The following ADAM7 variants were observed in gnomAD, a reference collection of about 807,000 sequenced individuals.
ADAM7 encodes ADAM metallopeptidase domain 7, also known as disintegrin and metalloproteinase domain-containing protein 7.
In ADAM7, 97 loss-of-function variants were observed where a neutral mutation model predicts 102.9. The observed-to-expected ratio is 0.94, with a 90% CI of 0.80 to 1.12. The LOEUF is 1.12. ADAM7 is among the 50% of genes most tolerant of loss of function. The probability of loss-of-function intolerance (pLI) is 0.00; values close to 1 mark genes in which losing one functional copy is unlikely to be tolerated. For missense variants in ADAM7, 991 were observed against 908.7 expected (o/e 1.09, Z -1.16); for synonymous variants, 334 against 304.4 (o/e 1.10, Z -1.01).
In ADAM7 at chr8:24,508,897, C is replaced by T; in HGVS notation, c.*351C>T. On this transcript the variant is annotated 3_prime_UTR_variant, in exon 22 of 22. Transcript: ENST00000175238. ...AACTTTAAGGATGATAACTTACAGT[C>T]TAAGAAGAAAACATTGCATATAAAA... 2 of 1,115,084 alleles carry T rather than the reference C, an allele frequency of 1.8e-6. No individual in the cohort carries two copies. The highest frequency in any genetic ancestry group is 2.2e-6 in the Non-Finnish European group (2 of 914,554). 69.1% of individuals were successfully genotyped at this position (1,115,084 alleles called of 1,614,324 possible).
rs561318281 is a variant in ADAM7 at position 24,492,994 on chromosome 8, A to T, written c.1656-49A>T. On this transcript the variant is annotated intron_variant, in intron 15 of 21. Coordinates refer to ENST00000175238, the MANE Select transcript of ADAM7 (RefSeq NM_003817.4). Reference sequence around the variant, plus strand: ...GAGGCTCCATTGCCAGCCTAGTCTCAAAAGTTGTATTTCTAGTTCCAAGTT... The same window carrying T: ...GAGGCTCCATTGCCAGCCTAGTCTCTAAAGTTGTATTTCTAGTTCCAAGTT... 98 of 1,513,106 alleles carry T rather than the reference A, an allele frequency of 6.5e-5. 1 individual carries two copies. In the East Asian group the frequency reaches 1.7e-3, roughly 26 times the overall value. The allele number at this position is 1,513,106 out of a possible 1,614,324, so 93.7% of individuals were successfully genotyped here. A position where few individuals can be genotyped will look rare whatever the true frequency, so the allele number is the denominator to read the frequency against.
chr8:24,473,789 G>A (rs901896185), intron 7 of ADAM7, among the ~76,000 whole-genome samples: 6 of 152,068 alleles, frequency 3.9e-5, no homozygotes, highest in South Asian at 2.1e-4. Context: ...AAATTTACAT[G>A]AGAGTGACGG....
At chr8:24,465,437 T>C (rs1819392905) in intron 4 of ADAM7, among the ~76,000 whole-genome samples, 1 of 152,208 alleles carries the variant, frequency 6.6e-6, no homozygotes, top group African/African-American at 2.4e-5. Context: ...ACTACTGTCG[T>C]CATTAACAGA....
At position 24,442,541 on chromosome 8, in the gene ADAM7, C is replaced by T. The variant is rs773090797; in HGVS notation, c.121C>T (p.Arg41Ter). 1.2e-6 allele frequency: 2 copies of T among 1,613,996 alleles called. No homozygotes were observed. Among genetic ancestry groups the T allele is most frequent in the South Asian group, 2.2e-5 (2 of 91,080 alleles). The part of the protein sequence containing the change: ...RPKKLPLIQK[R>*]DTGHTHDDDI... ...TAAAAAGCTTCCTCTGATACAGAAG[C>T]GAGATACTGGACACACCCATGATGA... Residue 41 changes from arginine (R) to a stop codon, truncating the protein, a stop_gained, in exon 2 of 22, where the codon CGA (arginine) becomes TGA (stop). Transcript: ENST00000175238. LOFTEE classifies it high-confidence loss of function.
intron 8 of ADAM7, among the ~76,000 whole-genome samples, chr8:24,477,782 T>C (rs976437333): frequency 6.6e-6 from 1 of 152,154 alleles, no homozygotes; most frequent in Non-Finnish European, 1.5e-5. Flanking sequence ...CCCACAGCTT[T>C]GGACCTTCCC....
At chr8:24,455,037 A>G (rs915221406) in intron 3 of ADAM7, among the ~76,000 whole-genome samples, 2 of 152,100 alleles carry the variant, frequency 1.3e-5, no homozygotes, top group African/African-American at 4.8e-5. Flanking sequence ...CTACTATACA[A>G]CCAAGCAGTT....
At chr8:24,506,628 C>A (rs1364590876) in intron 20 of ADAM7, among the ~76,000 whole-genome samples, 1 of 151,986 alleles carries the variant, frequency 6.6e-6, no homozygotes, top group Non-Finnish European at 1.5e-5. Flanking sequence ...CCTTGATCAG[C>A]CAGAGGGCTC....
intron 3 of ADAM7, among the ~76,000 whole-genome samples, chr8:24,456,168 C>T: frequency 6.6e-6 from 1 of 152,186 alleles, no homozygotes; most frequent in East Asian, 1.9e-4. Context: ...CCATTTTATT[C>T]TCTGCTTCTA....
intron 8 of ADAM7, among the ~76,000 whole-genome samples, chr8:24,480,353 C>T (rs889663826): frequency 6.6e-6 from 1 of 152,096 alleles, no homozygotes; most frequent in Admixed American, 6.5e-5. Context: ...GCCATTGTAT[C>T]CCTTCTTACT....
intron 9 of ADAM7, among the ~76,000 whole-genome samples, chr8:24,484,784 AGT>A (rs1369896004): frequency 4.2e-5 from 6 of 141,236 alleles, no homozygotes; most frequent in Non-Finnish European, 9.2e-5. Context: ...CTACAATTTC[AGT>A]GTAAGATTGC....
intron 10 of ADAM7, among the ~76,000 whole-genome samples, chr8:24,486,402 G>A (rs114517243): frequency 0.021 from 3,137 of 152,248 alleles, 122 homozygotes; most frequent in African/African-American, 0.072. Context: ...AGATTGTATA[G>A]CATTGTTGTG....
chr8:24,480,350 T>C (rs1049676493), intron 8 of ADAM7, among the ~76,000 whole-genome samples: 1 of 152,176 alleles, frequency 6.6e-6, no homozygotes, highest in African/African-American at 2.4e-5. Flanking sequence ...CTGGCCATTG[T>C]ATCCCTTCTT....
chr8:24,491,733 T>A (rs765781966), intron 13 of ADAM7, 170 bp from the exon 14 acceptor site: 12 of 533,940 alleles, frequency 2.2e-5, no homozygotes, highest in Non-Finnish European at 3.8e-5. Flanking sequence ...TAAAATTACA[T>A]GAGTGCCAAC....
At chr8:24,457,135 T>G (rs929068035) in intron 3 of ADAM7, among the ~76,000 whole-genome samples, 8 of 152,222 alleles carry the variant, frequency 5.3e-5, no homozygotes, top group Non-Finnish European at 8.8e-5. Flanking sequence ...TTTAAAAAAT[T>G]TTAGCTATAC....
intron 7 of ADAM7, 131 bp from the exon 8 acceptor site, chr8:24,476,302 T>G (rs1486468303): frequency 1.6e-6 from 1 of 625,958 alleles, no homozygotes; most frequent in Non-Finnish European, 2.7e-6. Flanking sequence ...TTTAGCTGAA[T>G]GAAAGGAGTT....
intron 8 of ADAM7, among the ~76,000 whole-genome samples, chr8:24,480,730 G>C (rs1819920633): frequency 6.6e-6 from 1 of 151,986 alleles, no homozygotes; most frequent in South Asian, 2.1e-4. Flanking sequence ...GATTTCTAAA[G>C]TTTACCATAC....
intron 11 of ADAM7, among the ~76,000 whole-genome samples, chr8:24,487,594 C>T (rs772436403): frequency 6.7e-6 from 1 of 150,246 alleles, no homozygotes; most frequent in Non-Finnish European, 1.5e-5. Context: ...GAGATCATGC[C>T]ACTGCACTCT....
intron 3 of ADAM7, among the ~76,000 whole-genome samples, chr8:24,450,084 G>T (rs1035504584): frequency 1.1e-4 from 17 of 152,150 alleles, no homozygotes; most frequent in Non-Finnish European, 2.5e-4. Context: ...CAGGTAGCAT[G>T]ATGCCTCCAG....
At chr8:24,442,672 G>A (rs1199675348) in intron 2 of ADAM7, 96 bp downstream of exon 2, 2 of 1,000,972 alleles carry the variant, frequency 2.0e-6, no homozygotes, top group Non-Finnish European at 3.2e-6. Context: ...GGAGAGAGGA[G>A]TTTCAATTTT....
Sources: allele counts gnomAD v4.1 joint callset (sites outside exome capture counted in the v4.1 genomes callset), GRCh38; gene constraint gnomAD v4.1.1; transcripts MANE v1.5; gene names NCBI Gene and HGNC (gene_info 2026-07-23, HGNC 2026-07-21).